Variants in PTPRD observed in about 807,000 individuals in gnomAD.
PTPRD encodes the protein protein tyrosine phosphatase receptor type D.
Under a neutral mutation model 214.5 loss-of-function variants are expected in PTPRD, and 34 were observed. The ratio of observed to expected loss-of-function variants is 0.16; its 90% CI spans 0.12 to 0.21. The LOEUF (loss-of-function observed/expected upper bound fraction) is 0.21, where lower values mean the gene tolerates loss of function less well. PTPRD is among the 10% of genes least tolerant of loss of function. The pLI, the probability that PTPRD is intolerant of heterozygous loss-of-function variation, is 1.00. For synonymous variants in PTPRD, 1,128 were observed against 845.7 expected (o/e 1.33, Z -5.79); for missense variants, 2,545 against 2,398.7 (o/e 1.06, Z -1.27).
intron 11 of PTPRD, among the ~76,000 whole-genome samples, chr9:8,817,793 TTTC>T (rs1307489062): frequency 3.9e-5 from 6 of 152,200 alleles, no homozygotes; most frequent in Admixed American, 3.9e-4. Context: ...TTCAAGTAGG[TTTC>T]TTCTTCTTGG....
Position 10,398,950 on chromosome 9 carries a change from G to C in PTPRD, c.-599-57933C>G, listed in dbSNP as rs566300077. ...GCTATTTGAGCCAAAAATTGTGCTT[G>C]ATTATCTCCAACATGGGAATCTCCT... On this transcript the variant is annotated intron_variant, in intron 2 of 45. Transcript: ENST00000381196. 2.6e-5 allele frequency among the ~76,000 whole-genome samples: 4 copies of C among 152,066 alleles called. No individual in the cohort carries two copies. The South Asian group carries it at 6.2e-4, about 24-fold the overall frequency.
At chr9:9,013,499 G>A (rs1439870021) in intron 11 of PTPRD, among the ~76,000 whole-genome samples, 1 of 152,084 alleles carries the variant, frequency 6.6e-6, no homozygotes, top group East Asian at 1.9e-4. Flanking sequence ...TTGTGTGTTT[G>A]TTTGTTTTCT....
chr9:8,634,046 C>T (rs1486533828), intron 13 of PTPRD, among the ~76,000 whole-genome samples: 1 of 151,818 alleles, frequency 6.6e-6, no homozygotes, highest in African/African-American at 2.4e-5. Flanking sequence ...ATAAATCATT[C>T]CAGTATTTGT....
intron 11 of PTPRD, among the ~76,000 whole-genome samples, chr9:8,766,904 T>C (rs984572940): frequency 2.0e-5 from 3 of 152,188 alleles, no homozygotes; most frequent in African/African-American, 4.8e-5. Flanking sequence ...GATGGTGAAA[T>C]TGGCTTCATA....
Position 9,304,986 on chromosome 9 carries a change from T to C in PTPRD, c.-203+92463A>G, listed in dbSNP as rs542983854. The stretch of plus-strand genomic sequence containing the variant: ...CTGTAATCTAGTTGCCGAACTGTGC[T>C]TTAAACAGATTTGTCCACTAGTTCC... On this transcript the variant is annotated intron_variant, in intron 9 of 45. Transcript: ENST00000381196. 2.7e-5 allele frequency among the ~76,000 whole-genome samples: 4 copies of C among 147,240 alleles called. No individual in the cohort carries two copies. The East Asian group carries it at 8.0e-4, about 29-fold the overall frequency.
At chr9:8,492,726 C>T (rs1338863340) in intron 27 of PTPRD, 136 bp downstream of exon 27, 1 of 445,402 alleles carries the variant, frequency 2.2e-6, no homozygotes, top group Non-Finnish European at 3.7e-6. Flanking sequence ...TACCCCTGAA[C>T]TAAAAACACA....
At chr9:8,769,264 C>G (rs1021985949) in intron 11 of PTPRD, among the ~76,000 whole-genome samples, 1 of 152,174 alleles carries the variant, frequency 6.6e-6, no homozygotes, top group Admixed American at 6.5e-5. Flanking sequence ...TTTATTTACT[C>G]ACTCACTATT....
At chr9:9,594,886 G>C (rs985011999) in intron 7 of PTPRD, among the ~76,000 whole-genome samples, 1 of 151,872 alleles carries the variant, frequency 6.6e-6, no homozygotes, top group African/African-American at 2.4e-5. Flanking sequence ...AAATCAGCAA[G>C]AAAAAACAAA....
At chr9:8,465,068 A>G (rs2096518255) in intron 32 of PTPRD, among the ~76,000 whole-genome samples, 1 of 151,950 alleles carries the variant, frequency 6.6e-6, no homozygotes, top group South Asian at 2.1e-4. Flanking sequence ...TTGCAATCAC[A>G]GGGGCTAATG....
chr9:9,784,043 T>C (rs1320841617), intron 5 of PTPRD, among the ~76,000 whole-genome samples: 1 of 152,042 alleles, frequency 6.6e-6, no homozygotes, highest in East Asian at 1.9e-4. Flanking sequence ...AACATGAAAA[T>C]GTAATTTGCA....
chr9:9,209,262 A>G (rs951834514), intron 9 of PTPRD, among the ~76,000 whole-genome samples: 2 of 152,226 alleles, frequency 1.3e-5, no homozygotes, highest in Admixed American at 1.3e-4. Flanking sequence ...TTGTTAAGCA[A>G]TGAACAAAAT....
chr9:9,483,821 A>G (rs1462838453), intron 8 of PTPRD, among the ~76,000 whole-genome samples: 1 of 151,026 alleles, frequency 6.6e-6, no homozygotes, highest in Non-Finnish European at 1.5e-5. Context: ...CCTCTCTGTG[A>G]AAATTCGTTC....
At chr9:9,267,239 G>T (rs1940334670) in intron 9 of PTPRD, among the ~76,000 whole-genome samples, 2 of 151,056 alleles carry the variant, frequency 1.3e-5, no homozygotes, top group Admixed American at 6.6e-5. Context: ...ATTACAATTG[G>T]TATACAGAAA....
chr9:10,451,822 T>C (rs2098843531), intron 2 of PTPRD, among the ~76,000 whole-genome samples: 1 of 151,996 alleles, frequency 6.6e-6, no homozygotes, highest in Admixed American at 6.6e-5. Context: ...TCTAAAACTA[T>C]CTGAACAAAA....
intron 3 of PTPRD, among the ~76,000 whole-genome samples, chr9:10,079,535 C>G (rs575160643): frequency 6.6e-6 from 1 of 152,204 alleles, no homozygotes; most frequent in South Asian, 2.1e-4. Flanking sequence ...CACTGCACTG[C>G]CACATGTTTG....
intron 2 of PTPRD, among the ~76,000 whole-genome samples, chr9:10,360,932 C>T (rs1430707209): frequency 6.6e-6 from 1 of 152,056 alleles, no homozygotes; most frequent in African/African-American, 2.4e-5. Context: ...GAAACCCCGT[C>T]TCTACTAAAA....
chr9:10,034,426 T>G lies in PTPRD; in HGVS notation c.-544-636A>C, dbSNP rs1008128166. On this transcript the variant is annotated intron_variant, in intron 3 of 45. Coordinates refer to ENST00000381196, the MANE Select transcript of PTPRD (RefSeq NM_002839.4). ...GCTCTACTTTTTTTTTTTTTTTTTT[T>G]TTTTTAAGAACTTTTAAGTTCAGGG... Among the ~76,000 whole-genome samples, 493 of 141,160 alleles carry G rather than the reference T, an allele frequency of 3.5e-3. 1 individual carries two copies. Among genetic ancestry groups the G allele is most frequent in the African/African-American group, 0.012 (470 of 37,850 alleles). The allele number at this position is 141,160 out of a possible 152,430, so 92.6% of individuals were successfully genotyped here. A position where few individuals can be genotyped will look rare whatever the true frequency, so the allele number is the denominator to read the frequency against.
intron 12 of PTPRD, among the ~76,000 whole-genome samples, chr9:8,690,342 G>A (rs1055613372): frequency 1.3e-4 from 20 of 151,522 alleles, no homozygotes; most frequent in African/African-American, 3.6e-4. Context: ...CCTGGATAAC[G>A]CAGTGAAAAG....
chr9:8,376,170 C>T (rs897119519), intron 38 of PTPRD, 80 bp from the exon 39 acceptor site: 21 of 1,499,364 alleles, frequency 1.4e-5, no homozygotes, highest in Non-Finnish European at 1.9e-5. Flanking sequence ...AGAGGTAATG[C>T]TAAAATGTGC....
Sources: allele counts gnomAD v4.1 joint callset (sites outside exome capture counted in the v4.1 genomes callset), GRCh38; gene constraint gnomAD v4.1.1; transcripts MANE v1.5; gene names NCBI Gene and HGNC (gene_info 2026-07-23, HGNC 2026-07-21).